The following NAALADL2 variants were observed in gnomAD, a reference collection of about 807,000 sequenced individuals.
The protein encoded by NAALADL2 is inactive N-acetylated-alpha-linked acidic dipeptidase-like protein 2.
In NAALADL2, 76 loss-of-function variants were observed where a neutral mutation model predicts 87.2. The ratio of observed to expected loss-of-function variants is 0.87; its 90% confidence interval spans 0.72 to 1.05. The LOEUF (loss-of-function observed/expected upper bound fraction) is 1.05, where lower values mean the gene tolerates loss of function less well. Among genes scored for constraint, NAALADL2 ranks in the 50% least tolerant of loss-of-function variants. The pLI, the probability that NAALADL2 is intolerant of heterozygous loss-of-function variation, is 0.00. For missense variants in NAALADL2, 1,089 were observed against 945.8 expected (o/e 1.15, Z -1.99); for synonymous variants, 354 against 331.0 (o/e 1.07, Z -0.75).
intron 2 of NAALADL2, among the ~76,000 whole-genome samples, chr3:174,713,437 C>T (rs1285930492): frequency 6.6e-6 from 1 of 151,984 alleles, no homozygotes; most frequent in Non-Finnish European, 1.5e-5. Context: ...AAAAGTGTTC[C>T]TATTTCTCCA....
Position 174,749,504 on chromosome 3 carries a change from GAA to G in NAALADL2, c.-9+11769_-9+11770del, listed in dbSNP as rs57331910. 4.0e-3 allele frequency among the ~76,000 whole-genome samples: 575 copies of G among 143,186 alleles called. 1 individual carries two copies. Among genetic ancestry groups the G allele is most frequent in the East Asian group, 6.5e-3 (32 of 4,960 alleles). 93.9% of individuals were successfully genotyped at this position (143,186 alleles called of 152,430 possible). ...TATGGTTGCCAATGATAGTAGTTAG[GAA>G]AAAAAAAAAACAGCAAAAAAGTGGA... On this transcript the variant is annotated intron_variant, in intron 3 of 3. Coordinates refer to the NAALADL2 transcript ENST00000434257.
At chr3:175,678,766 C>G (rs1005762505) in intron 11 of NAALADL2, among the ~76,000 whole-genome samples, 2 of 152,036 alleles carry the variant, frequency 1.3e-5, no homozygotes, top group Non-Finnish European at 2.9e-5. Flanking sequence ...GGAGATATAT[C>G]TAATGTAAAT....
At chr3:175,657,773 G>A (rs1731685592) in intron 11 of NAALADL2, among the ~76,000 whole-genome samples, 1 of 151,690 alleles carries the variant, frequency 6.6e-6, no homozygotes, top group African/African-American at 2.4e-5. Context: ...AGTAGAGATG[G>A]GGTTTCACTG....
intron 3 of NAALADL2, among the ~76,000 whole-genome samples, chr3:175,238,061 G>GT (rs1045962374): frequency 4.6e-5 from 7 of 151,624 alleles, no homozygotes; most frequent in Admixed American, 2.6e-4. Context: ...TGGGTGGGGT[G>GT]TTTTTTTTAA....
At chr3:175,283,871 G>T (rs540108148) in intron 4 of NAALADL2, among the ~76,000 whole-genome samples, 2 of 151,916 alleles carry the variant, frequency 1.3e-5, no homozygotes, top group African/African-American at 4.8e-5. Context: ...TATACCAAAC[G>T]TTCTAATCTT....
chr3:174,531,583 T>C (rs1721246891), intron 1 of NAALADL2, among the ~76,000 whole-genome samples: 1 of 152,172 alleles, frequency 6.6e-6, no homozygotes, highest in African/African-American at 2.4e-5. Context: ...CATTTACAGG[T>C]AAGTGTAGTT....
At chr3:174,909,664 G>C (rs1733436999) in intron 1 of NAALADL2, among the ~76,000 whole-genome samples, 1 of 152,094 alleles carries the variant, frequency 6.6e-6, no homozygotes, top group Admixed American at 6.6e-5. Flanking sequence ...GCTCTGTCAC[G>C]TTCTAGCTAT....
chr3:175,639,184 A>G, intron 11 of NAALADL2, among the ~76,000 whole-genome samples: 1 of 152,152 alleles, frequency 6.6e-6, no homozygotes, highest in East Asian at 1.9e-4. Context: ...ACAGTTAAGT[A>G]ACAGGAATTA....
chr3:174,776,703 G>T (rs1401198635), intron 3 of NAALADL2, among the ~76,000 whole-genome samples: 1 of 152,078 alleles, frequency 6.6e-6, no homozygotes, highest in East Asian at 1.9e-4. Flanking sequence ...ATTGAAGATA[G>T]AAGATATTTC....
At chr3:174,934,406 C>T (rs1377755912) in intron 1 of NAALADL2, among the ~76,000 whole-genome samples, 1 of 152,128 alleles carries the variant, frequency 6.6e-6, no homozygotes, top group African/African-American at 2.4e-5. Context: ...AAGTAAATGA[C>T]CATTTCACAG....
chr3:175,260,424 G>C (rs1017983219), intron 4 of NAALADL2, among the ~76,000 whole-genome samples: 2 of 152,108 alleles, frequency 1.3e-5, no homozygotes, highest in Non-Finnish European at 1.5e-5. Context: ...AGATTTGGGG[G>C]AACTCATTGC....
chr3:174,783,279 T>C (rs1289848342), intron 3 of NAALADL2, among the ~76,000 whole-genome samples: 1 of 152,196 alleles, frequency 6.6e-6, no homozygotes, highest in Non-Finnish European at 1.5e-5. Flanking sequence ...TAGAGTTTAT[T>C]AAATGACTGT....
intron 5 of NAALADL2, among the ~76,000 whole-genome samples, chr3:175,367,706 G>T (rs1765824727): frequency 6.6e-6 from 1 of 152,136 alleles, no homozygotes; most frequent in South Asian, 2.1e-4. Flanking sequence ...CATGGATTTT[G>T]TATCCTGAAA....
At chr3:175,371,667 A>T (rs555170607) in intron 5 of NAALADL2, among the ~76,000 whole-genome samples, 3 of 151,772 alleles carry the variant, frequency 2.0e-5, no homozygotes, top group Non-Finnish European at 2.9e-5. Context: ...TCTACTAAAA[A>T]TACAAAAATT....
chr3:175,270,860 T>C (rs1304033832), intron 4 of NAALADL2, among the ~76,000 whole-genome samples: 2 of 152,174 alleles, frequency 1.3e-5, no homozygotes, highest in Non-Finnish European at 2.9e-5. Context: ...AACAAAATCC[T>C]CACAAAAAGA....
At position 175,223,303 on chromosome 3, in the gene NAALADL2, G is replaced by A. The variant is rs112192315; in HGVS notation, c.546-10628G>A. The stretch of plus-strand genomic sequence containing the variant: ...CCACCACCATATACCCCTACCTCCC[G>A]GCAACCACCATGCTACATTCTGATT... On this transcript the variant is annotated intron_variant, in intron 2 of 13. Transcript: ENST00000454872. 9.4e-3 allele frequency among the ~76,000 whole-genome samples: 1,414 copies of A among 150,756 alleles called. 17 individuals carry two copies. Among genetic ancestry groups the A allele is most frequent in the Non-Finnish European group, 0.014 (951 of 67,772 alleles).
At chr3:174,858,901 A>G (rs1726147958), upstream of NAALADL2, among the ~76,000 whole-genome samples, 1 of 152,008 alleles carries the variant, frequency 6.6e-6, no homozygotes, top group African/African-American at 2.4e-5. Flanking sequence ...GAGATAATCC[A>G]AAACTTGTCT....
At chr3:175,666,662 A>G (rs1185378411) in intron 11 of NAALADL2, among the ~76,000 whole-genome samples, 4 of 152,190 alleles carry the variant, frequency 2.6e-5, no homozygotes, top group African/African-American at 9.6e-5. Flanking sequence ...TGTAGCTAGC[A>G]GAATCAGTCC....
chr3:175,106,951 A>T (rs541069856), intron 2 of NAALADL2, among the ~76,000 whole-genome samples: 13 of 152,118 alleles, frequency 8.5e-5, no homozygotes, highest in African/African-American at 3.1e-4. Context: ...TCACTTAAAA[A>T]TTTTTCCAAT....
Sources: allele counts gnomAD v4.1 joint callset (sites outside exome capture counted in the v4.1 genomes callset), GRCh38; gene constraint gnomAD v4.1.1; transcripts MANE v1.5; gene names NCBI Gene and HGNC (gene_info 2026-07-23, HGNC 2026-07-21).